Variants in RASGRF2 observed in about 807,000 individuals in gnomAD.
The protein encoded by RASGRF2 is ras-specific guanine nucleotide-releasing factor 2.
Under a neutral mutation model 151.0 loss-of-function variants are expected in RASGRF2, and 76 were observed. The ratio of observed to expected loss-of-function variants is 0.50; its 90% CI spans 0.42 to 0.61. The LOEUF (loss-of-function observed/expected upper bound fraction) is 0.61, where lower values mean the gene tolerates loss of function less well. RASGRF2 is among the 20% of genes least tolerant of loss of function. The pLI, the probability that RASGRF2 is intolerant of heterozygous loss-of-function variation, is 0.00. For synonymous variants in RASGRF2, 504 were observed against 566.5 expected, an observed-to-expected ratio of 0.89 and a Z score of 1.57; for missense variants, 1,148 against 1,564.6, an observed-to-expected ratio of 0.73 and a Z score of 4.49.
chr5:80,971,540 C>T (rs1580152668), intron 1 of RASGRF2, among the ~76,000 whole-genome samples: 1 of 150,894 alleles, frequency 6.6e-6, no homozygotes. Context: ...CTAGCTGGGA[C>T]TACAGGCACA....
At chr5:81,184,498 T>C (rs1443769528) in intron 18 of RASGRF2, among the ~76,000 whole-genome samples, 1 of 152,232 alleles carries the variant, frequency 6.6e-6, no homozygotes, top group African/African-American at 2.4e-5. Context: ...TCTGAAGAGA[T>C]GCTCTGTCCA....
chr5:80,999,153 A>G (rs547835236), intron 1 of RASGRF2, among the ~76,000 whole-genome samples: 1 of 152,170 alleles, frequency 6.6e-6, no homozygotes, highest in African/African-American at 2.4e-5. Flanking sequence ...GAAGCAAGGT[A>G]TATTCAGAGA....
At chr5:80,967,215 C>T (rs192469323) in intron 1 of RASGRF2, among the ~76,000 whole-genome samples, 2 of 152,174 alleles carry the variant, frequency 1.3e-5, no homozygotes, top group East Asian at 3.9e-4. Flanking sequence ...ATGGCGAAAC[C>T]CTGTCTGTAC....
Position 81,127,097 on chromosome 5 carries a change from T to A in RASGRF2, c.2620T>A (p.Cys874Ser). The A allele has an allele frequency of 6.2e-7, 1 of 1,614,148 alleles. No homozygotes were observed. Among genetic ancestry groups the A allele is most frequent in the Non-Finnish European group, 8.5e-7 (1 of 1,179,982 alleles). The change falls in exon 17 of 27, where the codon TGC becomes AGC. Residue 874 changes from cysteine to serine, a missense_variant. Cys to Ser is a moderately radical substitution (Grantham distance 112, BLOSUM62 -1). This residue lies in a region of RASGRF2 where 646 missense variants were observed against 807.4 expected (regional missense o/e 0.80). Coordinates refer to ENST00000265080, the MANE Select transcript of RASGRF2 (RefSeq NM_006909.3). ...AGGACAGACGGCGGACAATGCCCAC[T>A]GCTCTGTTTCACCGGCTTCTGCTTT... ...PGGQTADNAH[C>S]SVSPASAFAI... is the part of the protein sequence containing the mutation.
At chr5:81,150,888 T>C (rs62367278) in intron 17 of RASGRF2, among the ~76,000 whole-genome samples, 4 of 152,140 alleles carry the variant, frequency 2.6e-5, no homozygotes, top group Non-Finnish European at 5.9e-5. Flanking sequence ...GACAGATCAC[T>C]GGAAAGAGAA....
chr5:81,127,961 A>T (rs959607223), intron 17 of RASGRF2, among the ~76,000 whole-genome samples: 9 of 151,870 alleles, frequency 5.9e-5, no homozygotes, highest in Non-Finnish European at 1.3e-4. Context: ...AAGAAAAGAA[A>T]AAAAGAAATC....
intron 2 of RASGRF2, among the ~76,000 whole-genome samples, chr5:81,058,775 C>CAAAAAAAA: frequency 1.4e-5 from 1 of 70,106 alleles, no homozygotes. Flanking sequence ...GGCCCTGTAT[C>CAAAAAAAA]AAAAAAAAAA....
intron 25 of RASGRF2, among the ~76,000 whole-genome samples, chr5:81,218,729 G>A (rs1321796104): frequency 6.6e-6 from 1 of 152,158 alleles, no homozygotes; most frequent in Non-Finnish European, 1.5e-5. Flanking sequence ...GTCTAATTCT[G>A]TGAAGAATGA....
chr5:81,124,102 A>G (rs1255436706), intron 16 of RASGRF2, among the ~76,000 whole-genome samples: 1 of 152,200 alleles, frequency 6.6e-6, no homozygotes, highest in Non-Finnish European at 1.5e-5. Flanking sequence ...GTTAGTTATT[A>G]TAAATAATCT....
chr5:81,026,997 A>C (rs1750058679), intron 1 of RASGRF2, among the ~76,000 whole-genome samples: 1 of 152,190 alleles, frequency 6.6e-6, no homozygotes, highest in Non-Finnish European at 1.5e-5. Flanking sequence ...TTTTTCCCCC[A>C]GTTTCCTGCT....
chr5:81,133,723 A>T (rs1056215169), intron 17 of RASGRF2, among the ~76,000 whole-genome samples: 2 of 152,228 alleles, frequency 1.3e-5, no homozygotes, highest in African/African-American at 4.8e-5. Flanking sequence ...ATGCAACTCA[A>T]AGTAAATTAA....
intron 17 of RASGRF2, among the ~76,000 whole-genome samples, chr5:81,153,889 T>A (rs780444618): frequency 2.0e-5 from 3 of 150,564 alleles, no homozygotes; most frequent in Non-Finnish European, 4.4e-5. Flanking sequence ...GTAAAAAAAA[T>A]TCATGAGAGA....
At chr5:81,058,088 T>C (rs1751288317) in intron 2 of RASGRF2, among the ~76,000 whole-genome samples, 1 of 152,098 alleles carries the variant, frequency 6.6e-6, no homozygotes, top group South Asian at 2.1e-4. Flanking sequence ...CTTATAAATA[T>C]TACACACTAA....
chr5:81,057,918 C>G (rs1483449493), intron 2 of RASGRF2, among the ~76,000 whole-genome samples: 2 of 151,938 alleles, frequency 1.3e-5, no homozygotes, highest in South Asian at 4.2e-4. Flanking sequence ...ATGGCTTGAT[C>G]CCAGGAGGTC....
intron 1 of RASGRF2, among the ~76,000 whole-genome samples, chr5:80,995,255 CAAAAAA>C (rs11369891): frequency 8.5e-6 from 1 of 118,128 alleles, no homozygotes; most frequent in Non-Finnish European, 1.7e-5. Context: ...GACTCCGTCT[CAAAAAA>C]AAAAAAAAAA....
In RASGRF2 at chr5:81,086,966, G is replaced by T; in HGVS notation, c.1390+13G>T. On this transcript the variant is annotated intron_variant, in intron 9 of 26. Coordinates refer to ENST00000265080, the MANE Select transcript of RASGRF2 (RefSeq NM_006909.3). ...TTCATCCGCCAAGGTAAGTCCCTGT[G>T]AAATGGACCCGCGACCTGATGCGCT... The T allele has an allele frequency of 1.2e-6, 2 of 1,600,674 alleles. No individual in the cohort carries two copies. Among genetic ancestry groups the T allele is most frequent in the Non-Finnish European group, 1.7e-6 (2 of 1,167,884 alleles).
chr5:81,020,083 G>A (rs1260615198), intron 1 of RASGRF2, among the ~76,000 whole-genome samples: 1 of 152,198 alleles, frequency 6.6e-6, no homozygotes, highest in African/African-American at 2.4e-5. Flanking sequence ...GACTGAAAAT[G>A]AAAATTCACA....
intron 1 of RASGRF2, among the ~76,000 whole-genome samples, chr5:81,015,609 ATTTAGCTTTTTCCTATTGAT>A (rs1749605523): frequency 6.6e-6 from 1 of 151,904 alleles, no homozygotes; most frequent in Non-Finnish European, 1.5e-5. Flanking sequence ...CTATTGGTGT[ATTTAGCTTTTTCCTATTGAT>A]TTTGAAAACC....
At chr5:81,170,240 T>G (rs1481325325) in intron 17 of RASGRF2, among the ~76,000 whole-genome samples, 2 of 151,378 alleles carry the variant, frequency 1.3e-5, no homozygotes, top group Non-Finnish European at 2.9e-5. Flanking sequence ...AGTATCTGCA[T>G]CACCTGCATC....
Sources: gnomAD v4.1 joint callset for allele counts (sites outside exome capture counted in the v4.1 genomes callset) on GRCh38, gnomAD v4.1.1 for gene constraint, gnomAD v4.1.1 regional missense constraint, MANE v1.5 for transcripts, NCBI Gene and HGNC (gene_info 2026-07-23, HGNC 2026-07-21) for gene names.